Variants in ATP1B3 observed in about 807,000 individuals in gnomAD.
ATP1B3 encodes ATPase Na+/K+ transporting subunit beta 3.
Under a neutral mutation model 30.2 loss-of-function variants are expected in ATP1B3, and 10 were observed. That is an observed-to-expected ratio of 0.33 (90% confidence interval 0.20 to 0.56). The LOEUF (loss-of-function observed/expected upper bound fraction) is 0.56. ATP1B3 is among the 20% of genes least tolerant of loss of function. The pLI is 0.90. For synonymous variants in ATP1B3, 113 were observed against 117.0 expected, an observed-to-expected ratio of 0.97 and a Z score of 0.22; for missense variants, 238 against 336.7, an observed-to-expected ratio of 0.71 and a Z score of 2.29.
chr3:141,890,880 T>C (rs1933939183), intron 1 of ATP1B3, among the ~76,000 whole-genome samples: 1 of 152,246 alleles, frequency 6.6e-6, no homozygotes, highest in Non-Finnish European at 1.5e-5. Context: ...GTCTGTGTTA[T>C]GTTCTTACTG....
chr3:141,912,604 A>G (rs1042952387), intron 3 of ATP1B3, among the ~76,000 whole-genome samples: 4 of 152,046 alleles, frequency 2.6e-5, no homozygotes, highest in African/African-American at 7.2e-5. Flanking sequence ...TCTGGTACCA[A>G]TTGCACCCAC....
At chr3:141,900,778 T>G (rs1209926441) in intron 1 of ATP1B3, among the ~76,000 whole-genome samples, 2 of 151,884 alleles carry the variant, frequency 1.3e-5, no homozygotes, top group African/African-American at 4.8e-5. Flanking sequence ...CCTGTCTGGT[T>G]GTTTTCTTGT....
chr3:141,906,642 A>G (rs1443689944), intron 2 of ATP1B3, among the ~76,000 whole-genome samples: 2 of 152,218 alleles, frequency 1.3e-5, no homozygotes, highest in African/African-American at 4.8e-5. Flanking sequence ...GTATGTGAAA[A>G]CCACATTTTA....
intron 5 of ATP1B3, among the ~76,000 whole-genome samples, chr3:141,917,860 T>C (rs1934495878): frequency 6.6e-6 from 1 of 151,582 alleles, no homozygotes; most frequent in Non-Finnish European, 1.5e-5. Flanking sequence ...CTCCGCCTCC[T>C]GGGTTCACAC....
In ATP1B3 at chr3:141,876,652, G is replaced by A. The variant is rs895130671; in HGVS notation, c.-150G>A. 14 of 472,698 alleles carry A rather than the reference G, an allele frequency of 3.0e-5. No individual in the cohort carries two copies. The highest frequency in any genetic ancestry group is 2.8e-4 in the African/African-American group (13 of 46,772). 29.3% of individuals were successfully genotyped at this position (472,698 alleles called of 1,614,324 possible). On this transcript the variant is annotated 5_prime_UTR_variant, in exon 1 of 7. Coordinates refer to ENST00000286371, the MANE Select transcript of ATP1B3 (RefSeq NM_001679.4). ...CGGCGCGGCGCGGCGCAGTCGGCTC[G>A]AGTACTCCCCGTAACGAGGAGGTGT...
chr3:141,877,821 C>A (rs1322550052), intron 1 of ATP1B3, among the ~76,000 whole-genome samples: 2 of 136,636 alleles, frequency 1.5e-5, no homozygotes, highest in African/African-American at 2.9e-5. Context: ...TCTCTGAATG[C>A]AGGCTAGAGC....
intron 1 of ATP1B3, among the ~76,000 whole-genome samples, chr3:141,881,457 T>C (rs756738846): frequency 2.6e-5 from 4 of 152,222 alleles, no homozygotes; most frequent in Non-Finnish European, 5.9e-5. Context: ...AGTGCCATTT[T>C]CTCAGTCACT....
chr3:141,924,339 CAAAA>C (rs34894586), intron 6 of ATP1B3, among the ~76,000 whole-genome samples: 57 of 112,924 alleles, frequency 5.0e-4, no homozygotes, highest in Non-Finnish European at 6.0e-4. Context: ...TGCAATGTCT[CAAAA>C]AAAAAAAAAA....
intron 1 of ATP1B3, among the ~76,000 whole-genome samples, chr3:141,896,007 A>C (rs956037334): frequency 6.6e-5 from 10 of 152,136 alleles, no homozygotes; most frequent in Admixed American, 2.6e-4. Context: ...TTATTTTTGC[A>C]ATCCTTACAT....
At chr3:141,919,137 C>T (rs988094301) in intron 5 of ATP1B3, 2 of 152,062 alleles carry the variant, frequency 1.3e-5, no homozygotes, top group Non-Finnish European at 2.9e-5. Flanking sequence ...CTATGTCAAG[C>T]GTTCTTTAAA....
At chr3:141,877,015 C>T (rs2107923911) in intron 1 of ATP1B3, 105 bp downstream of exon 1, 3 of 842,934 alleles carry the variant, frequency 3.6e-6, no homozygotes, top group Non-Finnish European at 5.0e-6. Flanking sequence ...AGCGCCGGGG[C>T]TCCCGACCGC....
At chr3:141,882,445 G>T (rs980811307) in intron 1 of ATP1B3, among the ~76,000 whole-genome samples, 30 of 152,024 alleles carry the variant, frequency 2.0e-4, no homozygotes, top group African/African-American at 7.2e-4. Flanking sequence ...TTTCCTAAAT[G>T]TTGATGTGCT....
chr3:141,880,903 A>AT (rs908239093), intron 1 of ATP1B3, among the ~76,000 whole-genome samples: 1 of 152,152 alleles, frequency 6.6e-6, no homozygotes, highest in Non-Finnish European at 1.5e-5. Flanking sequence ...AAGGCCAGAG[A>AT]TTTTTTAAAA....
chr3:141,882,999 G>A (rs538471546), intron 1 of ATP1B3, among the ~76,000 whole-genome samples: 2 of 152,202 alleles, frequency 1.3e-5, no homozygotes, highest in East Asian at 1.9e-4. Context: ...TCCTTAGCAC[G>A]ACATACAAAC....
Position 141,903,758 on chromosome 3 carries a change from T to C in ATP1B3, c.238+10T>C, listed in dbSNP as rs373360387. The C allele has an allele frequency of 1.9e-5, 30 of 1,611,590 alleles. No homozygotes were observed. The African/African-American group carries it at 3.7e-4, about 20-fold the overall frequency. ...CAGATTCCTAGCCCAGGTAATTATC[T>C]TGCAGTTATGACTTTGTTTTTTGTT... is the stretch of plus-strand genomic sequence containing the variant. On this transcript the variant is annotated intron_variant, in intron 2 of 6. Coordinates refer to ENST00000286371, the MANE Select transcript of ATP1B3 (RefSeq NM_001679.4).
chr3:141,906,261 C>T (rs1934265019), intron 2 of ATP1B3, among the ~76,000 whole-genome samples: 1 of 151,746 alleles, frequency 6.6e-6, no homozygotes, highest in African/African-American at 2.4e-5. Context: ...CTCACTGCAA[C>T]CTCTGTCTCC....
chr3:141,903,621 T>G lies in ATP1B3; in HGVS notation c.111T>G (p.Gly37=), dbSNP rs1244121792. Residue 37 remains glycine (G), a splice_region_variant and synonymous_variant, in exon 2 of 7, where the codon GGT becomes GGG. Transcript: ENST00000286371. ...CATAAGTTTTATTTTCTTTTACAGG[T>G]TTGATCTTGCTCTTCTACCTAGTTT... ...EFLGRTAKSW[G]LILLFYLVFY... is the part of the protein sequence containing the mutation. 1 of 1,613,762 alleles carries G rather than the reference T, an allele frequency of 6.2e-7. No homozygotes were observed. The highest frequency in any genetic ancestry group is 2.2e-5 in the East Asian group (1 of 44,872).
At chr3:141,895,625 T>G (rs1934051670) in intron 1 of ATP1B3, among the ~76,000 whole-genome samples, 1 of 152,254 alleles carries the variant, frequency 6.6e-6, no homozygotes, top group Admixed American at 6.5e-5. Context: ...ATATTTGGGT[T>G]GTTTGCAGTT....
Position 141,907,256 on chromosome 3 carries a change from C to G in ATP1B3, c.328C>G (p.Leu110Val), listed in dbSNP as rs1934279855. Residue 110 changes from leucine to valine, a missense_variant, in exon 3 of 7, where the codon CTT becomes GTT. Leu to Val is a conservative substitution (Grantham distance 32). This residue lies in a region of ATP1B3 where 130 missense variants were observed against 148.8 expected (regional missense o/e 0.87). Coordinates refer to ENST00000286371, the MANE Select transcript of ATP1B3 (RefSeq NM_001679.4). ...TTCGTATGCAGGGTACATTGAAGACCTTAAGAAGTTTCTAAAACGTGAGTA... is the reference window on the plus strand; with the variant it reads ...TTCGTATGCAGGGTACATTGAAGACGTTAAGAAGTTTCTAAAACGTGAGTA... ...PTSYAGYIED[L>V]KKFLKPYTLE... 6.2e-6 allele frequency: 10 copies of G among 1,609,716 alleles called. No individual in the cohort carries two copies. The East Asian group carries it at 2.2e-4, about 36-fold the overall frequency.
Sources: gnomAD v4.1 joint callset for allele counts (sites outside exome capture counted in the v4.1 genomes callset) on GRCh38, gnomAD v4.1.1 for gene constraint, gnomAD v4.1.1 regional missense constraint, MANE v1.5 for transcripts, NCBI Gene and HGNC (gene_info 2026-07-23, HGNC 2026-07-21) for gene names.